Variants in COL5A1 observed in about 807,000 individuals in gnomAD.
COL5A1 encodes the protein collagen alpha-1(V) chain.
Under a neutral mutation model 263.7 loss-of-function variants are expected in COL5A1, and 16 were observed. The observed-to-expected ratio is 0.06, with a 90% CI of 0.04 to 0.09. The LOEUF (loss-of-function observed/expected upper bound fraction) is 0.09. Among genes scored for constraint, COL5A1 ranks in the 10% least tolerant of loss-of-function variants. The pLI is 1.00. For missense variants in COL5A1, 2,036 were observed against 2,540.5 expected (o/e 0.80, Z 4.27); for synonymous variants, 1,012 against 1,004.5 (o/e 1.01, Z -0.14).
chr9:134,790,413 G>GCCAACCACCCACCCAC (rs1837634889), intron 32 of COL5A1, among the ~76,000 whole-genome samples: 1 of 17,446 alleles, frequency 5.7e-5, no homozygotes, highest in Non-Finnish European at 1.0e-4. Flanking sequence ...CAGCCACCCA[G>GCCAACCACCCACCCAC]CCATCCAGCC....
intron 30 of COL5A1, among the ~76,000 whole-genome samples, chr9:134,785,706 G>T (rs540450803): frequency 4.6e-5 from 7 of 152,346 alleles, no homozygotes; most frequent in African/African-American, 1.7e-4. Flanking sequence ...GCTGAGTTGA[G>T]GCATTTGCCT....
At position 134,642,845 on chromosome 9, in the gene COL5A1, C is replaced by T. The variant is rs986895773; in HGVS notation, c.109+549C>T. Reference sequence around the variant, plus strand: ...CTGCTTTCCCCAGGGACAGCGTTTCCTGCAGCCTTGGTCACCTAAGTGTTC... The same window carrying T: ...CTGCTTTCCCCAGGGACAGCGTTTCTTGCAGCCTTGGTCACCTAAGTGTTC... On this transcript the variant is annotated intron_variant, in intron 1 of 65. Coordinates refer to ENST00000371817, the MANE Select transcript of COL5A1 (RefSeq NM_000093.5). The surrounding 1 kb of genome is among the most constrained non-coding windows in gnomAD (Gnocchi z 4.5). 4.6e-5 allele frequency among the ~76,000 whole-genome samples: 7 copies of T among 152,218 alleles called. No individual in the cohort carries two copies. The highest frequency in any genetic ancestry group is 1.7e-4 in the African/African-American group (7 of 41,460).
At chr9:134,778,972 A>G (rs921434749) in intron 27 of COL5A1, among the ~76,000 whole-genome samples, 1 of 152,226 alleles carries the variant, frequency 6.6e-6, no homozygotes, top group African/African-American at 2.4e-5. Flanking sequence ...ACCTCTGCAG[A>G]AAGGAGCTCC....
chr9:134,754,186 G>A lies in COL5A1; in HGVS notation c.1774-87G>A. 2 of 1,425,694 alleles carry A rather than the reference G, an allele frequency of 1.4e-6. No individual in the cohort carries two copies. Among genetic ancestry groups the A allele is most frequent in the Admixed American group, 1.7e-5 (1 of 58,826 alleles). 88.3% of individuals were successfully genotyped at this position (1,425,694 alleles called of 1,614,324 possible). A position where few individuals can be genotyped will look rare whatever the true frequency, so the allele number is the denominator to read the frequency against. ...TGGCTTGGACAGCCAGGCATGGGCA[G>A]GGTCGATGAGCACAGGGACAAGGCT... On this transcript the variant is annotated intron_variant, in intron 15 of 65. Coordinates refer to ENST00000371817, the MANE Select transcript of COL5A1 (RefSeq NM_000093.5). This position sits in a 1 kb window ranked among gnomAD's most constrained non-coding sequence, Gnocchi z 4.3.
chr9:134,689,151 T>G (rs1487031940), intron 1 of COL5A1, among the ~76,000 whole-genome samples: 2 of 152,162 alleles, frequency 1.3e-5, no homozygotes, highest in Non-Finnish European at 2.9e-5. Flanking sequence ...CACTGCGCCA[T>G]TGTCTCTGGC....
At position 134,730,330 on chromosome 9, in the gene COL5A1, A is replaced by T; in HGVS notation, c.1019A>T (p.Tyr340Phe). The change falls in exon 7 of 66, where the codon TAC becomes TTC. Residue 340 changes from tyrosine (Y) to phenylalanine (F), a missense_variant. Tyr to Phe is a conservative substitution (Grantham distance 22). Around this residue, in one of 3 missense-constraint regions of COL5A1, gnomAD observed 600 missense variants for 634.5 expected, o/e 0.95. Transcript: ENST00000371817. ...EEDVGIGDYDYVPSEDYYTPS... is the reference protein window; with the variant it reads ...EEDVGIGDYDFVPSEDYYTPS... Reference sequence around the variant, plus strand: ...GACGTCGGCATCGGGGACTATGACTACGTGCCCAGTGAGGACTACTACACG... The same window carrying T: ...GACGTCGGCATCGGGGACTATGACTTCGTGCCCAGTGAGGACTACTACACG... 1 of 1,614,228 alleles carries T rather than the reference A, an allele frequency of 6.2e-7. No homozygotes were observed. The highest frequency in any genetic ancestry group is 8.5e-7 in the Non-Finnish European group (1 of 1,180,040).
chr9:134,650,938 G>A (rs1477821032), intron 1 of COL5A1, among the ~76,000 whole-genome samples: 4 of 152,224 alleles, frequency 2.6e-5, no homozygotes, highest in African/African-American at 9.6e-5. Context: ...CACCCTCCAC[G>A]TCCCAGTGGT....
chr9:134,764,988 CTG>C lies in COL5A1; in HGVS notation c.2035-691_2035-690del, dbSNP rs1264350887. On this transcript the variant is annotated intron_variant, in intron 20 of 65. Transcript: ENST00000371817. ...AGTCCACGTACCTGGGGTGAAGCCT[CTG>C]TAATTCTCCGTGGGTGGGGGGTGTG... is the stretch of plus-strand genomic sequence containing the variant. Among the ~76,000 whole-genome samples the C allele has an allele frequency of 3.9e-5, 6 of 152,294 alleles. No individual in the cohort carries two copies. The East Asian group carries it at 7.7e-4, about 20-fold the overall frequency.
At chr9:134,769,184 A>G (rs369670901) in intron 25 of COL5A1, among the ~76,000 whole-genome samples, 2 of 152,358 alleles carry the variant, frequency 1.3e-5, no homozygotes, top group East Asian at 3.9e-4. Context: ...TTATGGTTTT[A>G]ATAACACTGT....
At chr9:134,693,978 C>G (rs908121209) in intron 2 of COL5A1, among the ~76,000 whole-genome samples, 2 of 152,208 alleles carry the variant, frequency 1.3e-5, no homozygotes, top group Admixed American at 6.5e-5. Context: ...TCTAGAGACC[C>G]GTACCTGCCT....
At position 134,700,674 on chromosome 9, in the gene COL5A1, C is replaced by A. The variant is rs1223960667; in HGVS notation, c.492-497C>A. ...TCTTCGCCAAGACTTTCAGACAGAT[C>A]CACTCCTTCCACCATTTCCCGTCCA... On this transcript the variant is annotated intron_variant, in intron 3 of 65. Transcript: ENST00000371817. This position sits in a 1 kb window ranked among gnomAD's most constrained non-coding sequence, Gnocchi z 4.0. 6.6e-6 allele frequency among the ~76,000 whole-genome samples: 1 copy of A among 152,230 alleles called. No individual in the cohort carries two copies. The highest frequency in any genetic ancestry group is 1.5e-5 in the Non-Finnish European group (1 of 68,042).
intron 1 of COL5A1, among the ~76,000 whole-genome samples, chr9:134,688,827 C>G (rs371374571): frequency 1.3e-5 from 2 of 152,180 alleles, no homozygotes; most frequent in Non-Finnish European, 2.9e-5. Flanking sequence ...ACTTCAGAAC[C>G]CTGGGACCTG....
At chr9:134,721,386 C>A (rs1018476262) in intron 4 of COL5A1, among the ~76,000 whole-genome samples, 1 of 152,084 alleles carries the variant, frequency 6.6e-6, no homozygotes, top group African/African-American at 2.4e-5. Flanking sequence ...CCCGTTAGGG[C>A]TGTTCTGTGC....
chr9:134,649,316 C>A, intron 1 of COL5A1: 2 of 359,472 alleles, frequency 5.6e-6, no homozygotes, highest in East Asian at 7.7e-5. Flanking sequence ...AGGTAATAAC[C>A]TCATATTAGC....
chr9:134,685,055 A>ATTAAG (rs145886142), intron 1 of COL5A1, among the ~76,000 whole-genome samples: 1 of 29,890 alleles, frequency 3.3e-5, no homozygotes, highest in African/African-American at 1.5e-4. Flanking sequence ...CCATCCATCC[A>ATTAAG]CCATCCATCC....
intron 4 of COL5A1, among the ~76,000 whole-genome samples, chr9:134,717,884 T>TGG (rs955664026): frequency 6.8e-6 from 1 of 146,942 alleles, no homozygotes; most frequent in Non-Finnish European, 1.5e-5. Flanking sequence ...CAGGCAGTCA[T>TGG]GGGGGGGCTG....
chr9:134,761,844 A>T, intron 18 of COL5A1, 81 bp from the exon 19 acceptor site: 1 of 1,352,622 alleles, frequency 7.4e-7, no homozygotes, highest in Non-Finnish European at 1.1e-6. Context: ...TGTCAGAATT[A>T]GAGAAAAACA....
rs1167405227 is a variant in COL5A1, at chr9:134,728,823, G to T, written c.924+16G>T. On this transcript the variant is annotated intron_variant, in intron 6 of 65. Coordinates refer to ENST00000371817, the MANE Select transcript of COL5A1 (RefSeq NM_000093.5). ...GGTCCCCGAGGTCTGGGCTGAGCGG[G>T]GGACTGGGTTGGGCTGGGCCCCTCG... The T allele has an allele frequency of 6.2e-7, 1 of 1,613,872 alleles. No individual in the cohort carries two copies. Among genetic ancestry groups the T allele is most frequent in the East Asian group, 2.2e-5 (1 of 44,880 alleles).
At chr9:134,748,858 G>A (rs1835674150) in intron 11 of COL5A1, among the ~76,000 whole-genome samples, 1 of 152,232 alleles carries the variant, frequency 6.6e-6, no homozygotes, top group Non-Finnish European at 1.5e-5. Context: ...TTGTGCCTGG[G>A]AGATGCAACA....
Sources: allele counts gnomAD v4.1 joint callset (sites outside exome capture counted in the v4.1 genomes callset), GRCh38; gene constraint gnomAD v4.1.1; regional missense constraint gnomAD v4.1.1; non-coding constraint Gnocchi (gnomAD v3.1); transcripts MANE v1.5; gene names NCBI Gene and HGNC (gene_info 2026-07-23, HGNC 2026-07-21).